The following ABCA9 variants were observed in gnomAD, a reference collection of about 807,000 sequenced individuals.
ABCA9 encodes the protein ATP binding cassette subfamily A member 9, also known as ATP-binding cassette sub-family A member 9.
A neutral mutation model predicts 205.3 loss-of-function variants in ABCA9; 183 were observed. That is an observed-to-expected ratio of 0.89 (90% CI 0.79 to 1.01). ABCA9 has a LOEUF of 1.01. Among genes scored for constraint, ABCA9 ranks in the 50% least tolerant of loss-of-function variants. ABCA9 has a pLI of 0.00. For synonymous variants in ABCA9, 651 were observed against 683.3 expected (o/e 0.95, Z 0.74); for missense variants, 1,805 against 1,912.4 (o/e 0.94, Z 1.05).
At chr17:68,995,075 T>C (rs61697543) in intron 26 of ABCA9, among the ~76,000 whole-genome samples, 7,358 of 152,282 alleles carry the variant, frequency 0.048, 415 homozygotes, top group African/African-American at 0.13. Flanking sequence ...AAATCGACCT[T>C]GTGAAGCTCA....
At chr17:69,027,280 A>C (rs2071023122) in intron 14 of ABCA9, 50 bp downstream of exon 14, 4 of 1,585,118 alleles carry the variant, frequency 2.5e-6, no homozygotes, top group African/African-American at 1.4e-5. Context: ...CTAATAAAAT[A>C]ATTTTATAGT....
upstream of ABCA9, among the ~76,000 whole-genome samples, chr17:69,065,414 A>G (rs903072293): frequency 3.3e-5 from 5 of 152,168 alleles, no homozygotes; most frequent in African/African-American, 1.2e-4. Context: ...AATTTTTATG[A>G]TATCATTCCC....
chr17:69,071,410 T>C, the ABCA9 span, among the ~76,000 whole-genome samples: 1 of 152,126 alleles, frequency 6.6e-6, no homozygotes. Flanking sequence ...GCAGCAATCT[T>C]TGCTGTTCTG....
At chr17:69,070,241 G>A in the ABCA9 span, among the ~76,000 whole-genome samples, 1 of 151,934 alleles carries the variant, frequency 6.6e-6, no homozygotes, top group Non-Finnish European at 1.5e-5. Flanking sequence ...AAAGATTAAA[G>A]CATAAATATA....
chr17:69,032,672 T>C (rs1356669559), intron 9 of ABCA9: 1 of 156,844 alleles, frequency 6.4e-6, no homozygotes. Context: ...TGATCCCGGC[T>C]CACTACAACC....
At chr17:68,987,774 G>GAGATGGGGTTTCTCTATTGT (rs2069291656) in intron 31 of ABCA9, among the ~76,000 whole-genome samples, 1 of 142,752 alleles carries the variant, frequency 7.0e-6, no homozygotes, top group Non-Finnish European at 1.5e-5. Flanking sequence ...TTGTTTTTTT[G>GAGATGGGGTTTCTCTATTGT]TTTGAGATGG....
At chr17:69,053,348 A>G (rs1255944651) in intron 1 of ABCA9, among the ~76,000 whole-genome samples, 1 of 152,142 alleles carries the variant, frequency 6.6e-6, no homozygotes, top group Admixed American at 6.5e-5. Flanking sequence ...CAGGGACCAA[A>G]TATTATAACT....
chr17:69,051,398 C>T (rs1567974788), intron 1 of ABCA9: 6 of 419,858 alleles, frequency 1.4e-5, no homozygotes, highest in South Asian at 8.3e-5. Context: ...TAGTGTCGAT[C>T]GTTGCTATCT....
chr17:69,012,167 A>T, intron 22 of ABCA9, 84 bp from the exon 23 acceptor site: 1 of 929,706 alleles, frequency 1.1e-6, no homozygotes, highest in Non-Finnish European at 1.6e-6. Context: ...ACTCAAATAA[A>T]TGAATTGAGC....
chr17:69,043,895 G>A (rs909179117), intron 5 of ABCA9, among the ~76,000 whole-genome samples, 180 bp from the exon 6 acceptor site: 1 of 152,164 alleles, frequency 6.6e-6, no homozygotes, highest in African/African-American at 2.4e-5. Context: ...TGACTCCTTA[G>A]AACATCATCA....
chr17:69,074,221 TTTC>T, the ABCA9 span, among the ~76,000 whole-genome samples: 1 of 152,250 alleles, frequency 6.6e-6, no homozygotes, highest in Non-Finnish European at 1.5e-5. Flanking sequence ...TTATACAAAT[TTTC>T]TTCATTGACT....
At chr17:68,986,119 C>A in intron 32 of ABCA9, 45 bp downstream of exon 32, 1 of 1,546,198 alleles carries the variant, frequency 6.5e-7, no homozygotes, top group Non-Finnish European at 8.7e-7. Flanking sequence ...GTTATTAATA[C>A]AACATCCCCT....
chr17:69,029,162 T>G lies in ABCA9; in HGVS notation c.1504+7A>C. 6.6e-7 allele frequency: 1 copy of G among 1,512,974 alleles called. No homozygotes were observed. The highest frequency in any genetic ancestry group is 9.0e-7 in the Non-Finnish European group (1 of 1,108,712). 93.7% of individuals were successfully genotyped at this position (1,512,974 alleles called of 1,614,324 possible). A position where few individuals can be genotyped will look rare whatever the true frequency, so the allele number is the denominator to read the frequency against. The stretch of plus-strand genomic sequence containing the variant: ...CAGCCCCATTAAATAAAATATTATT[T>G]TATTACCTTTCAAAGCTTCTACTCT... On this transcript the variant is annotated splice_region_variant and intron_variant, in intron 11 of 38. Transcript: ENST00000340001.
chr17:68,986,696 G>A (rs932468458), intron 31 of ABCA9: 12 of 162,106 alleles, frequency 7.4e-5, no homozygotes, highest in South Asian at 2.0e-4. Flanking sequence ...CTTGCAATAA[G>A]GCAGTGGTTC....
chr17:69,028,779 T>G (rs557843224), intron 11 of ABCA9, 134 bp from the exon 12 acceptor site: 1 of 486,244 alleles, frequency 2.1e-6, no homozygotes, highest in Non-Finnish European at 3.5e-6. Flanking sequence ...TTAAAATTCT[T>G]TCTTTTAAAA....
At chr17:69,060,387 A>G (rs2072203707) in intron 1 of ABCA9, among the ~76,000 whole-genome samples, 1 of 152,212 alleles carries the variant, frequency 6.6e-6, no homozygotes, top group South Asian at 2.1e-4. Flanking sequence ...AATAGTTACT[A>G]TAATAAACAA....
Position 69,024,308 on chromosome 17 carries a change from C to T in ABCA9, c.2187G>A (p.Leu729=). The part of the protein sequence containing the change: ...ERCDPESITS[L]VKQHISDAKL... ...TGGCATCAGAGATGTGCTGCTTAACCAGTGATGTTATACTCTCTGGATCAC... is the reference window on the plus strand; with the variant it reads ...TGGCATCAGAGATGTGCTGCTTAACTAGTGATGTTATACTCTCTGGATCAC... Residue 729 remains leucine, a synonymous_variant, in exon 17 of 39, where the codon CTG becomes CTA. Coordinates refer to ENST00000340001, the MANE Select transcript of ABCA9 (RefSeq NM_080283.4). The T allele has an allele frequency of 6.2e-7, 1 of 1,612,596 alleles. No homozygotes were observed. The highest frequency in any genetic ancestry group is 8.5e-7 in the Non-Finnish European group (1 of 1,179,148).
Position 69,005,108 on chromosome 17 carries a change from G to T in ABCA9, c.3435+2651C>A, listed in dbSNP as rs147481363. On this transcript the variant is annotated intron_variant, in intron 25 of 38. Transcript: ENST00000340001. ...TGCGTCGCTCAGGCTGGGAGCTGTA[G>T]ACCGGAGCTGTTCCTATTCGGCCAT... is the stretch of plus-strand genomic sequence containing the variant. Among the ~76,000 whole-genome samples the T allele has an allele frequency of 3.5e-3, 529 of 152,316 alleles. 2 individuals are homozygous for T. The highest frequency in any genetic ancestry group is 0.011 in the African/African-American group (467 of 41,572).
chr17:68,987,656 C>T (rs560560499), intron 31 of ABCA9, among the ~76,000 whole-genome samples: 1 of 152,038 alleles, frequency 6.6e-6, no homozygotes, highest in Non-Finnish European at 1.5e-5. Context: ...TCATGCTGGG[C>T]TGGTTGCAGC....
Sources: gnomAD v4.1 joint callset for allele counts (sites outside exome capture counted in the v4.1 genomes callset) on GRCh38, gnomAD v4.1.1 for gene constraint, MANE v1.5 for transcripts, NCBI Gene and HGNC (gene_info 2026-07-23, HGNC 2026-07-21) for gene names.